The following ARHGAP45 variants were observed in gnomAD, a reference collection of about 807,000 sequenced individuals.
ARHGAP45 encodes the protein Rho GTPase activating protein 45, also known as rho GTPase-activating protein 45.
ARHGAP45 carries 56 observed loss-of-function variants against 116.1 expected under a neutral mutation model. That is an observed-to-expected ratio of 0.48 (90% CI 0.39 to 0.60). ARHGAP45 has a LOEUF of 0.60. Among genes scored for constraint, ARHGAP45 ranks in the 20% least tolerant of loss-of-function variants. ARHGAP45 has a pLI of 0.00. For synonymous variants in ARHGAP45, 866 were observed against 701.7 expected, an observed-to-expected ratio of 1.23 and a Z score of -3.70; for missense variants, 1,622 against 1,601.0, an observed-to-expected ratio of 1.01 and a Z score of -0.22.
upstream of ARHGAP45, chr19:1,067,076 C>T (rs1453999488): frequency 6.3e-6 from 5 of 792,792 alleles, no homozygotes; most frequent in Non-Finnish European, 7.9e-6. Context: ...GGTCCCACCC[C>T]GCGAGCGGCG....
rs1343675899 is a variant in ARHGAP45, at chr19:1,085,954, G to A, written c.3359G>A (p.Gly1120Asp). Reference sequence around the variant, plus strand: ...CCACTGCCCCCCATGAGGCTCCGTGGCGGGCGGATGACACTGGGCTCCTGC... The same window carrying A: ...CCACTGCCCCCCATGAGGCTCCGTGACGGGCGGATGACACTGGGCTCCTGC... ...QAPLPPMRLR[G>D]GRMTLGSCRE... Residue 1120 changes from glycine to aspartate, a missense_variant, in exon 23 of 23, where the codon GGC becomes GAC. By Grantham distance (94) the Gly-to-Asp change is moderately conservative. Transcript: ENST00000313093. 8 of 1,612,828 alleles carry A rather than the reference G, an allele frequency of 5.0e-6. No homozygotes were observed. Among genetic ancestry groups the A allele is most frequent in the Non-Finnish European group, 6.8e-6 (8 of 1,179,946 alleles).
In ARHGAP45 at chr19:1,073,824, T is replaced by G. The variant is rs993916369; in HGVS notation, c.723+78T>G. The G allele has an allele frequency of 2.6e-5, 40 of 1,532,976 alleles. No homozygotes were observed. In the Admixed American group the frequency reaches 7.8e-4, roughly 30 times the overall value. 95.0% of individuals were successfully genotyped at this position (1,532,976 alleles called of 1,614,324 possible). A position where few individuals can be genotyped will look rare whatever the true frequency, so the allele number is the denominator to read the frequency against. ...GTTCAGGTCTGCAGGGCCCAGACAG[T>G]CACCCTGCTTCCCCTGTGCGCCTTG... is the stretch of plus-strand genomic sequence containing the variant. On this transcript the variant is annotated intron_variant, in intron 5 of 22. Coordinates refer to ENST00000313093, the MANE Select transcript of ARHGAP45 (RefSeq NM_012292.5).
At chr19:1,080,819 G>A (rs534210472) in intron 16 of ARHGAP45, 33 bp downstream of exon 16, 11 of 1,611,446 alleles carry the variant, frequency 6.8e-6, no homozygotes, top group Non-Finnish European at 8.5e-6. Context: ...GGAGAGAGAG[G>A]GGGGTTTGGA....
Position 1,080,956 on chromosome 19 carries a change from G to A in ARHGAP45, c.2082G>A (p.Glu694=), listed in dbSNP as rs748932982. 3.7e-6 allele frequency: 6 copies of A among 1,609,352 alleles called. No individual in the cohort carries two copies. Among genetic ancestry groups the A allele is most frequent in the African/African-American group, 1.3e-5 (1 of 75,018 alleles). The part of the protein sequence containing the change: ...VAVPSGPFRH[E]GLSKAARTHR... ...TGCCCAGTGGACCGTTCCGCCACGA[G>A]GGGCTGTCCAAGGCGGCCCGTACTC... Residue 694 remains glutamate (E), a synonymous_variant, in exon 17 of 23, where the codon GAG becomes GAA. Coordinates refer to ENST00000313093, the MANE Select transcript of ARHGAP45 (RefSeq NM_012292.5).
chr19:1,074,399 A>C lies in ARHGAP45; in HGVS notation c.985A>C (p.Met329Leu). ...CGCTCACAACTGCAGACAGAGCGTC[A>C]TGCAGGAGGTGGGGGCCCCGCGGGC... Reference protein sequence around the residue: ...KIAHNCRQSVMQEPHMPLLSI... With the variant: ...KIAHNCRQSVLQEPHMPLLSI... The change falls in exon 8 of 23, where the codon ATG becomes CTG. Residue 329 changes from methionine to leucine, a missense_variant. By Grantham distance (15) the Met-to-Leu change is conservative. This residue lies in a region of ARHGAP45 where 1,334 missense variants were observed against 1,263.8 expected (regional missense o/e 1.06). Transcript: ENST00000313093. 6.4e-7 allele frequency: 1 copy of C among 1,570,610 alleles called. No individual in the cohort carries two copies. Among genetic ancestry groups the C allele is most frequent in the African/African-American group, 1.3e-5 (1 of 74,140 alleles).
intron 1 of ARHGAP45, 90 bp downstream of exon 1, chr19:1,067,585 C>T: frequency 8.0e-7 from 1 of 1,246,368 alleles, no homozygotes. Context: ...GCTGGGGCGG[C>T]GGCTGGGGGC....
intron 22 of ARHGAP45, among the ~76,000 whole-genome samples, chr19:1,085,073 C>G (rs1027847086): frequency 6.6e-6 from 1 of 152,036 alleles, no homozygotes; most frequent in African/African-American, 2.4e-5. Flanking sequence ...GAGAGAGAGA[C>G]TCTGTCTCAA....
intron 10 of ARHGAP45, chr19:1,077,503 C>A: frequency 4.0e-6 from 4 of 988,970 alleles, no homozygotes; most frequent in Non-Finnish European, 5.2e-6. Flanking sequence ...AGTGCCTCAG[C>A]CTCCCGAGTA....
intron 17 of ARHGAP45, 152 bp from the exon 18 acceptor site, chr19:1,081,398 G>A (rs966589928): frequency 2.5e-5 from 21 of 829,236 alleles, no homozygotes; most frequent in Admixed American, 1.9e-4. Flanking sequence ...GATCACCCCT[G>A]GGGTGGAAGC....
In ARHGAP45 at chr19:1,082,859, C is replaced by G. The variant is rs1172190920; in HGVS notation, c.2537C>G (p.Ser846Cys). 3.2e-6 allele frequency: 5 copies of G among 1,549,116 alleles called. No individual in the cohort carries two copies. In the African/African-American group the frequency reaches 6.8e-5, roughly 21 times the overall value. ...YLRQLPEPLI[S>C]FRLYHELVGL... ...GCGCAGCTTCCCGAGCCGCTCATCT[C>G]CTTCCGCCTCTACCACGAGCTCGTA... Residue 846 changes from serine (S) to cysteine (C), a missense_variant, in exon 20 of 23, where the codon TCC (serine) becomes TGC (cysteine). Around this residue, in one of 3 missense-constraint regions of ARHGAP45, gnomAD observed 1,334 missense variants for 1,263.8 expected, o/e 1.06. Coordinates refer to ENST00000313093, the MANE Select transcript of ARHGAP45 (RefSeq NM_012292.5).
At chr19:1,082,694 G>A (rs1262506240) in intron 19 of ARHGAP45, 146 bp from the exon 20 acceptor site, 3 of 669,768 alleles carry the variant, frequency 4.5e-6, no homozygotes, top group Admixed American at 3.4e-5. Flanking sequence ...CTGGGAAAGG[G>A]GACTGACGCC....
At chr19:1,076,852 G>T (rs1221819232) in intron 10 of ARHGAP45, among the ~76,000 whole-genome samples, 7 of 149,440 alleles carry the variant, frequency 4.7e-5, no homozygotes, top group African/African-American at 1.7e-4. Context: ...GGCTGGTCTC[G>T]AGTAGCTAGG....
Position 1,085,772 on chromosome 19 carries a change from G to A in ARHGAP45, c.3177G>A (p.Gln1059=). ...ACCTCAGCTTCCTGGAGCAGCAGCA[G>A]AGCGAGGCCAGCCTAGAGGTGGCTT... ...LGHLSFLEQQ[Q]SEASLEVASG... is the part of the protein sequence containing the mutation. The change falls in exon 23 of 23, where the codon CAG becomes CAA. Residue 1059 remains glutamine, a synonymous_variant. Transcript: ENST00000313093. 1 of 1,612,726 alleles carries A rather than the reference G, an allele frequency of 6.2e-7. No homozygotes were observed. The highest frequency in any genetic ancestry group is 8.5e-7 in the Non-Finnish European group (1 of 1,179,842).
chr19:1,077,795 G>C, intron 10 of ARHGAP45, 62 bp from the exon 11 acceptor site: 1 of 1,549,994 alleles, frequency 6.5e-7, no homozygotes, highest in Non-Finnish European at 8.7e-7. Flanking sequence ...GGAGGAGCTG[G>C]GGAGACTGAG....
intron 11 of ARHGAP45, among the ~76,000 whole-genome samples, 156 bp from the exon 12 acceptor site, chr19:1,079,547 C>T (rs950689315): frequency 1.3e-5 from 2 of 151,276 alleles, no homozygotes; most frequent in Non-Finnish European, 2.9e-5. Flanking sequence ...CCATGTTGCT[C>T]AGGCTGGTCT....
At chr19:1,078,764 T>G (rs1026506429) in intron 11 of ARHGAP45, among the ~76,000 whole-genome samples, 5 of 151,894 alleles carry the variant, frequency 3.3e-5, no homozygotes, top group African/African-American at 1.2e-4. Context: ...TCACCCAGGC[T>G]GGAGTGCAGT....
chr19:1,067,117 G>A, upstream of ARHGAP45: 2 of 1,095,360 alleles, frequency 1.8e-6, no homozygotes, highest in Non-Finnish European at 2.2e-6. Context: ...CGGAAGCGGG[G>A]GGCGCGGCCC....
Position 1,072,383 on chromosome 19 carries a change from A to G in ARHGAP45, c.422-766A>G, listed in dbSNP as rs935745472. 6.6e-5 allele frequency among the ~76,000 whole-genome samples: 10 copies of G among 152,110 alleles called. No individual in the cohort carries two copies. In the East Asian group the frequency reaches 1.7e-3, roughly 26 times the overall value. On this transcript the variant is annotated intron_variant, in intron 2 of 22. Coordinates refer to ENST00000313093, the MANE Select transcript of ARHGAP45 (RefSeq NM_012292.5). ...CCCTCTCTGCTTTTTTCTTCTTCCA[A>G]TTGAGAACGTTCGATGAGGGCATTT...
rs1568472683 is a variant in ARHGAP45, at chr19:1,079,994, C to T, written c.1579C>T (p.Leu527=). 6.2e-7 allele frequency: 1 copy of T among 1,612,960 alleles called. No homozygotes were observed. The highest frequency in any genetic ancestry group is 1.3e-5 in the African/African-American group (1 of 75,038). Residue 527 remains leucine (L), a synonymous_variant, in exon 13 of 23, where the codon CTG becomes TTG. Coordinates refer to ENST00000313093, the MANE Select transcript of ARHGAP45 (RefSeq NM_012292.5). The part of the protein sequence containing the change: ...TAPLPVHFQM[L]CESSKLYDPG... ...GCCGCTGCCCGTGCACTTCCAGATG[C>T]TGTGTGAGAGCAGCAAGCTGTATGA...
Sources: allele counts gnomAD v4.1 joint callset (sites outside exome capture counted in the v4.1 genomes callset), GRCh38; gene constraint gnomAD v4.1.1; regional missense constraint gnomAD v4.1.1; transcripts MANE v1.5; gene names NCBI Gene and HGNC (gene_info 2026-07-23, HGNC 2026-07-21).